PIK3C3: variants seen among roughly 807,000 people sequenced by gnomAD.
The protein encoded by PIK3C3 is PI3-kinase type 3.
A neutral mutation model predicts 126.1 loss-of-function variants in PIK3C3; 95 were observed. That is an observed-to-expected ratio of 0.75 (90% confidence interval 0.64 to 0.89). PIK3C3 has a LOEUF of 0.89. Among genes scored for constraint, PIK3C3 ranks in the 40% least tolerant of loss-of-function variants. PIK3C3 has a pLI of 0.00. For missense variants in PIK3C3, 829 were observed against 1,063.2 expected (o/e 0.78, Z 3.06); for synonymous variants, 374 against 360.0 (o/e 1.04, Z -0.44).
Position 42,013,536 on chromosome 18 carries a change from G to A in PIK3C3, c.1265G>A (p.Ser422Asn), listed in dbSNP as rs751913275. 16 of 1,603,736 alleles carry A rather than the reference G, an allele frequency of 1.0e-5. 1 individual carries two copies. The highest frequency in any genetic ancestry group is 3.3e-4 in the Middle Eastern group (2 of 6,030). Residue 422 changes from serine to asparagine, a missense_variant, in exon 11 of 25, where the codon AGT (serine) becomes AAT (asparagine). Physicochemically the swap from Ser to Asn is conservative, Grantham distance 46. Coordinates refer to ENST00000262039, the MANE Select transcript of PIK3C3 (RefSeq NM_002647.4). ...KNGLEPTKKD[S>N]QSSVSENVSN... ...GGATTGGAACCTACCAAGAAGGATA[G>A]TCAGAGTTCAGTGTCAGAAAATGTG...
intron 20 of PIK3C3, among the ~76,000 whole-genome samples, chr18:42,048,949 C>CT (rs560472518): frequency 7.4e-4 from 113 of 152,232 alleles, no homozygotes; most frequent in African/African-American, 2.4e-3. Flanking sequence ...AATTTCCAGA[C>CT]TTTTTTTAGA....
intron 18 of PIK3C3, among the ~76,000 whole-genome samples, 181 bp from the exon 19 acceptor site, chr18:42,040,496 T>C (rs1398500747): frequency 1.3e-5 from 2 of 152,182 alleles, no homozygotes; most frequent in Non-Finnish European, 2.9e-5. Context: ...AAAAAAAAGT[T>C]TTCTTACAGG....
chr18:42,006,204 A>G (rs1288824276), intron 10 of PIK3C3, among the ~76,000 whole-genome samples: 1 of 151,254 alleles, frequency 6.6e-6, no homozygotes, highest in Non-Finnish European at 1.5e-5. Context: ...AAGGTTGCAG[A>G]TGAACAGCTA....
chr18:41,985,265 C>T (rs1048975739), intron 4 of PIK3C3, among the ~76,000 whole-genome samples: 3 of 152,192 alleles, frequency 2.0e-5, no homozygotes, highest in East Asian at 1.9e-4. Context: ...AAATGAATGT[C>T]GTTTTAGGCC....
chr18:42,061,892 T>C (rs183496285), intron 22 of PIK3C3, among the ~76,000 whole-genome samples: 90 of 152,250 alleles, frequency 5.9e-4, no homozygotes, highest in African/African-American at 2.0e-3. Flanking sequence ...CATCGCATTC[T>C]ACACCCGTAA....
At chr18:41,997,479 A>G (rs941184762) in intron 9 of PIK3C3, among the ~76,000 whole-genome samples, 2 of 152,118 alleles carry the variant, frequency 1.3e-5, no homozygotes, top group African/African-American at 2.4e-5. Flanking sequence ...CTTTTTGACT[A>G]CAGGCAAATT....
chr18:42,012,899 C>A lies in PIK3C3; in HGVS notation c.1171-543C>A, dbSNP rs140545617. On this transcript the variant is annotated intron_variant, in intron 10 of 24. Transcript: ENST00000262039. ...TTTCATTTAAGAAGCAATCCAAATT[C>A]TCTAAAACTTGAGCTTTCAGGAAAA... Among the ~76,000 whole-genome samples the A allele has an allele frequency of 5.9e-5, 9 of 152,120 alleles. No individual in the cohort carries two copies. In the East Asian group the frequency reaches 1.5e-3, roughly 26 times the overall value.
At chr18:42,030,976 A>G (rs890976544) in intron 15 of PIK3C3, among the ~76,000 whole-genome samples, 5 of 152,248 alleles carry the variant, frequency 3.3e-5, no homozygotes, top group Non-Finnish European at 5.9e-5. Context: ...TGTTTCTCAC[A>G]TAGCCTATAT....
intron 4 of PIK3C3, among the ~76,000 whole-genome samples, chr18:41,977,216 T>G (rs1980965619): frequency 6.6e-6 from 1 of 152,154 alleles, no homozygotes; most frequent in Non-Finnish European, 1.5e-5. Context: ...ATGGCTTCAG[T>G]TGTTACGAAT....
At chr18:42,022,345 C>G (rs1983365845) in intron 13 of PIK3C3, among the ~76,000 whole-genome samples, 1 of 152,064 alleles carries the variant, frequency 6.6e-6, no homozygotes, top group African/African-American at 2.4e-5. Flanking sequence ...TCCAAGTGTT[C>G]TCATTGTTCA....
Position 42,084,223 on chromosome 18 carries a change from G to C in PIK3C3, c.*3086G>C, listed in dbSNP as rs372079838. Reference sequence around the variant, plus strand: ...TTTTTGCACATAAGTATAACATTGCGATTTAAAACAATAAACCAGATTGAG... The same window carrying C: ...TTTTTGCACATAAGTATAACATTGCCATTTAAAACAATAAACCAGATTGAG... On this transcript the variant is annotated 3_prime_UTR_variant, in exon 25 of 25. Coordinates refer to ENST00000262039, the MANE Select transcript of PIK3C3 (RefSeq NM_002647.4). The C allele has an allele frequency of 1.3e-5, 2 of 152,022 alleles. No homozygotes were observed. Among genetic ancestry groups the C allele is most frequent in the African/African-American group, 4.8e-5 (2 of 41,390 alleles). The allele number at this position is 152,022 out of a possible 1,614,324, so 9.4% of individuals were successfully genotyped here.
intron 24 of PIK3C3, among the ~76,000 whole-genome samples, chr18:42,073,099 G>A (rs1985843793): frequency 6.6e-6 from 1 of 152,146 alleles, no homozygotes; most frequent in Non-Finnish European, 1.5e-5. Flanking sequence ...TAGAGACAGA[G>A]GTTTTTGTTT....
At chr18:42,020,491 A>G (rs576956024) in intron 12 of PIK3C3, 147 bp from the exon 13 acceptor site, 3 of 542,454 alleles carry the variant, frequency 5.5e-6, no homozygotes, top group Non-Finnish European at 9.9e-6. Context: ...TGTTTTATGT[A>G]TGTATGTAAG....
At chr18:41,963,309 A>G (rs985855814) in intron 3 of PIK3C3, among the ~76,000 whole-genome samples, 1 of 152,178 alleles carries the variant, frequency 6.6e-6, no homozygotes, top group African/African-American at 2.4e-5. Flanking sequence ...CCCTTTACCG[A>G]TTTTAAGACT....
chr18:42,054,126 G>GTATATCTA (rs1473971394), intron 21 of PIK3C3, among the ~76,000 whole-genome samples: 1 of 69,654 alleles, frequency 1.4e-5, no homozygotes, highest in Non-Finnish European at 2.8e-5. Flanking sequence ...AGAACTAATG[G>GTATATCTA]TATATATATA....
Position 42,082,708 on chromosome 18 carries a change from A to G in PIK3C3, c.*1571A>G, listed in dbSNP as rs1986293076. ...CTTCCGTGTGAACTCCTACACTTGCATCTCCTATTTCAGGATTTGGCATAC... is the reference window on the plus strand; with the variant it reads ...CTTCCGTGTGAACTCCTACACTTGCGTCTCCTATTTCAGGATTTGGCATAC... On this transcript the variant is annotated 3_prime_UTR_variant, in exon 25 of 25. Transcript: ENST00000262039. 1 of 152,154 alleles carries G rather than the reference A, an allele frequency of 6.6e-6. No individual in the cohort carries two copies. The highest frequency in any genetic ancestry group is 2.4e-5 in the African/African-American group (1 of 41,440). 9.4% of individuals were successfully genotyped at this position (152,154 alleles called of 1,614,324 possible). A position where few individuals can be genotyped will look rare whatever the true frequency, so the allele number is the denominator to read the frequency against.
intron 9 of PIK3C3, among the ~76,000 whole-genome samples, chr18:42,000,076 A>G (rs532907695): frequency 2.6e-5 from 4 of 152,306 alleles, no homozygotes; most frequent in African/African-American, 9.6e-5. Flanking sequence ...CTTTGGAGAC[A>G]GAGTTTCACT....
intron 24 of PIK3C3, among the ~76,000 whole-genome samples, chr18:42,078,399 A>G (rs1202946501): frequency 1.3e-5 from 2 of 151,648 alleles, no homozygotes; most frequent in African/African-American, 4.8e-5. Flanking sequence ...AAAAAAAAAA[A>G]AAAAAAAAAA....
chr18:41,997,052 T>A (rs967589200), intron 9 of PIK3C3, among the ~76,000 whole-genome samples: 1 of 152,132 alleles, frequency 6.6e-6, no homozygotes, highest in Non-Finnish European at 1.5e-5. Context: ...ATTATTCTAA[T>A]GGCGACAGTT....
Sources: allele counts gnomAD v4.1 joint callset (sites outside exome capture counted in the v4.1 genomes callset), GRCh38; gene constraint gnomAD v4.1.1; transcripts MANE v1.5; gene names NCBI Gene and HGNC (gene_info 2026-07-23, HGNC 2026-07-21).